TTC6: variants seen among roughly 807,000 people sequenced by gnomAD.
TTC6 encodes tetratricopeptide repeat domain 6.
In TTC6, 172 loss-of-function variants were observed where a neutral mutation model predicts 210.4. The ratio of observed to expected loss-of-function variants is 0.82; its 90% confidence interval spans 0.72 to 0.93. The LOEUF (loss-of-function observed/expected upper bound fraction) is 0.93. Ranked by LOEUF, TTC6 falls within the 40% of genes least tolerant of loss-of-function variation. The pLI is 0.00. For synonymous variants in TTC6, 804 were observed against 819.6 expected (o/e 0.98, Z 0.32); for missense variants, 2,414 against 2,318.1 (o/e 1.04, Z -0.85).
chr14:37,688,167 C>T (rs553678131), intron 3 of TTC6, among the ~76,000 whole-genome samples: 7 of 152,258 alleles, frequency 4.6e-5, no homozygotes, highest in Non-Finnish European at 7.4e-5. Context: ...CAATACTCCT[C>T]GTGGGCCTGA....
intron 1 of TTC6, among the ~76,000 whole-genome samples, chr14:37,640,668 A>G (rs2095690226): frequency 6.6e-6 from 1 of 151,794 alleles, no homozygotes; most frequent in Admixed American, 6.6e-5. Context: ...TCAGCCTCCC[A>G]AGTAGCTGGG....
At chr14:37,818,482 A>G (rs1164165687) in intron 26 of TTC6, among the ~76,000 whole-genome samples, 1 of 152,116 alleles carries the variant, frequency 6.6e-6, no homozygotes, top group African/African-American at 2.4e-5. Context: ...GAAACAAATA[A>G]TACCAGTTAA....
At chr14:37,760,856 C>T (rs2139101097) in intron 14 of TTC6, among the ~76,000 whole-genome samples, 1 of 152,280 alleles carries the variant, frequency 6.6e-6, no homozygotes, top group Admixed American at 6.5e-5. Context: ...ATGATGGATG[C>T]CCCTCCCTGC....
intron 6 of TTC6, among the ~76,000 whole-genome samples, chr14:37,721,922 A>C (rs2095862799): frequency 6.8e-6 from 1 of 146,196 alleles, no homozygotes; most frequent in African/African-American, 2.5e-5. Flanking sequence ...ATATGTATAT[A>C]TATATACATA....
intron 14 of TTC6, among the ~76,000 whole-genome samples, chr14:37,766,828 T>G (rs2096001018): frequency 1.3e-5 from 2 of 152,134 alleles, no homozygotes; most frequent in African/African-American, 4.8e-5. Flanking sequence ...TACTTTAAGT[T>G]TTAGGGTACA....
chr14:37,763,087 A>G (rs2095989365), intron 14 of TTC6, among the ~76,000 whole-genome samples: 1 of 151,170 alleles, frequency 6.6e-6, no homozygotes, highest in Non-Finnish European at 1.5e-5. Flanking sequence ...ACGGGGTTTC[A>G]CCATGTAAGC....
intron 14 of TTC6, among the ~76,000 whole-genome samples, chr14:37,759,845 C>T (rs1319326308): frequency 6.6e-6 from 1 of 152,146 alleles, no homozygotes; most frequent in Non-Finnish European, 1.5e-5. Context: ...TTTTTCAGCT[C>T]CATCAGGTCA....
At chr14:37,602,013 G>T (rs558139729) in intron 1 of TTC6, among the ~76,000 whole-genome samples, 1 of 152,362 alleles carries the variant, frequency 6.6e-6, no homozygotes, top group East Asian at 1.9e-4. Flanking sequence ...CCGAGCCCAC[G>T]TAGTGAGAAG....
At chr14:37,739,568 TAAAAAA>T (rs869033607) in intron 10 of TTC6, among the ~76,000 whole-genome samples, 4 of 122,380 alleles carry the variant, frequency 3.3e-5, no homozygotes, top group Non-Finnish European at 3.4e-5. Flanking sequence ...GACTCCATCT[TAAAAAA>T]AAAAAAAAAA....
At chr14:37,714,279 C>G (rs1390148208) in intron 5 of TTC6, among the ~76,000 whole-genome samples, 2 of 151,992 alleles carry the variant, frequency 1.3e-5, no homozygotes, top group Non-Finnish European at 2.9e-5. Context: ...TAGGCTGATG[C>G]TTTGCCCCAC....
intron 14 of TTC6, among the ~76,000 whole-genome samples, chr14:37,761,289 C>T (rs1029775047): frequency 2.6e-5 from 4 of 151,824 alleles, no homozygotes; most frequent in African/African-American, 9.7e-5. Flanking sequence ...GGTGAGGCAA[C>T]ACCCCACCCT....
intron 24 of TTC6, among the ~76,000 whole-genome samples, chr14:37,811,274 T>C (rs1167069010): frequency 1.3e-5 from 2 of 152,230 alleles, no homozygotes; most frequent in Admixed American, 1.3e-4. Context: ...TTGTGGCTAA[T>C]ATTCTAGGTT....
chr14:37,636,234 G>T (rs905075795), intron 1 of TTC6, among the ~76,000 whole-genome samples: 3 of 152,068 alleles, frequency 2.0e-5, no homozygotes, highest in East Asian at 3.9e-4. Context: ...GATCTCTAAG[G>T]ATATAGAAGA....
intron 3 of TTC6, among the ~76,000 whole-genome samples, chr14:37,693,593 C>G (rs1466824435): frequency 1.3e-5 from 2 of 151,576 alleles, no homozygotes; most frequent in Non-Finnish European, 2.9e-5. Flanking sequence ...AAAAACCATA[C>G]AAAACAAAAC....
At chr14:37,624,710 C>T (rs1595026014) in intron 1 of TTC6, among the ~76,000 whole-genome samples, 3 of 152,128 alleles carry the variant, frequency 2.0e-5, no homozygotes, top group African/African-American at 2.4e-5. Context: ...CCACCTTCAC[C>T]TCCTGGGTTC....
chr14:37,800,930 C>G (rs1157656030), intron 20 of TTC6, among the ~76,000 whole-genome samples: 1 of 152,082 alleles, frequency 6.6e-6, no homozygotes, highest in South Asian at 2.1e-4. Context: ...ACACGTACAA[C>G]CTTTCATAAA....
exon 20 of TTC6, chr14:37,796,947 G>T: frequency 6.3e-7 from 1 of 1,590,410 alleles, no homozygotes; most frequent in Non-Finnish European, 8.6e-7. Flanking sequence ...AGAGAACCAA[G>T]GTGAAAAGTC....
At chr14:37,837,469 G>A (rs1245334218) in intron 29 of TTC6, 2 of 449,718 alleles carry the variant, frequency 4.4e-6, no homozygotes, top group Admixed American at 4.9e-5. Context: ...CTGTCCCAGG[G>A]ATGAGATGGA....
intron 14 of TTC6, among the ~76,000 whole-genome samples, chr14:37,769,165 A>G (rs1409749998): frequency 3.3e-5 from 5 of 151,700 alleles, no homozygotes; most frequent in Admixed American, 6.6e-5. Flanking sequence ...CTTGATCATG[A>G]TGGATAAGCT....
Sources: gnomAD v4.1 joint callset for allele counts (sites outside exome capture counted in the v4.1 genomes callset) on GRCh38, gnomAD v4.1.1 for gene constraint, MANE v1.5 for transcripts, NCBI Gene and HGNC (gene_info 2026-07-23, HGNC 2026-07-21) for gene names.